Variants in ANKDD1A observed in about 807,000 individuals in gnomAD.
ANKDD1A encodes ankyrin repeat and death domain containing 1A.
A neutral mutation model predicts 63.5 loss-of-function variants in ANKDD1A; 59 were observed. The observed-to-expected ratio is 0.93, with a 90% CI of 0.75 to 1.15. ANKDD1A has a LOEUF of 1.15. Ranked by LOEUF, ANKDD1A falls within the 50% of genes most tolerant of loss-of-function variation. The pLI, the probability that ANKDD1A is intolerant of heterozygous loss-of-function variation, is 0.00. For synonymous variants in ANKDD1A, 266 were observed against 263.9 expected (o/e 1.01, Z -0.08); for missense variants, 632 against 656.4 (o/e 0.96, Z 0.41).
intron 6 of ANKDD1A, 48 bp from the exon 7 acceptor site, chr15:64,930,774 C>A: frequency 6.4e-7 from 1 of 1,568,158 alleles, no homozygotes; most frequent in South Asian, 1.2e-5. Context: ...GTCTGTGATT[C>A]TGGGACTCTC....
intron 9 of ANKDD1A, among the ~76,000 whole-genome samples, chr15:64,941,794 A>C (rs2085186495): frequency 6.6e-6 from 1 of 152,206 alleles, no homozygotes. Flanking sequence ...AGGGGGCCAC[A>C]GGAGACTATT....
chr15:64,948,310 G>T (rs1164988894), intron 13 of ANKDD1A, among the ~76,000 whole-genome samples: 1 of 152,128 alleles, frequency 6.6e-6, no homozygotes, highest in Non-Finnish European at 1.5e-5. Context: ...TGTATTTGTG[G>T]CAAGAAAAAG....
At chr15:64,924,811 G>T (rs900049813) in intron 4 of ANKDD1A, among the ~76,000 whole-genome samples, 2 of 152,096 alleles carry the variant, frequency 1.3e-5, no homozygotes, top group Non-Finnish European at 2.9e-5. Flanking sequence ...CCTTAATTTG[G>T]GTTTGTCTCA....
intron 9 of ANKDD1A, among the ~76,000 whole-genome samples, chr15:64,934,575 C>T (rs1276636592): frequency 6.7e-6 from 1 of 148,592 alleles, no homozygotes; most frequent in Non-Finnish European, 1.5e-5. Flanking sequence ...TCTCGGCTCA[C>T]TGCAGCCTCT....
intron 14 of ANKDD1A, among the ~76,000 whole-genome samples, chr15:64,955,669 G>A (rs187913715): frequency 1.7e-4 from 26 of 152,272 alleles, no homozygotes; most frequent in Non-Finnish European, 3.1e-4. Context: ...TGGCTGTGGC[G>A]TTTAGGAGCC....
At chr15:64,924,683 G>A (rs1047156772) in intron 4 of ANKDD1A, among the ~76,000 whole-genome samples, 13 of 152,180 alleles carry the variant, frequency 8.5e-5, no homozygotes, top group Admixed American at 8.5e-4. Context: ...ATTCTATAAT[G>A]CTTTAGTCAT....
intron 14 of ANKDD1A, among the ~76,000 whole-genome samples, chr15:64,952,023 CT>C (rs1347548712): frequency 6.8e-6 from 1 of 146,932 alleles, no homozygotes. Context: ...CTTCTATCTT[CT>C]TTTTCTTCTT....
chr15:64,939,387 G>A (rs770775924), intron 9 of ANKDD1A, among the ~76,000 whole-genome samples: 2 of 152,142 alleles, frequency 1.3e-5, no homozygotes, highest in African/African-American at 4.8e-5. Flanking sequence ...ACTTTGAGAA[G>A]TCGAGATGCG....
intron 6 of ANKDD1A, among the ~76,000 whole-genome samples, chr15:64,927,602 C>CTTT (rs5813333): frequency 1.0e-4 from 13 of 130,616 alleles, no homozygotes; most frequent in Admixed American, 1.5e-4. Flanking sequence ...AGCAAATTCC[C>CTTT]TTTTTTTTTT....
At chr15:64,953,070 CTTCT>C (rs749696376) in intron 14 of ANKDD1A, among the ~76,000 whole-genome samples, 10 of 132,988 alleles carry the variant, frequency 7.5e-5, no homozygotes, top group Middle Eastern at 4.8e-3. Context: ...TTCCTCTTTC[CTTCT>C]TTCTTCTTCT....
At chr15:64,919,248 C>A (rs1383917286) in intron 3 of ANKDD1A, among the ~76,000 whole-genome samples, 1 of 152,138 alleles carries the variant, frequency 6.6e-6, no homozygotes, top group East Asian at 1.9e-4. Context: ...CAGTCCTGAG[C>A]CTTCACCCTT....
intron 3 of ANKDD1A, among the ~76,000 whole-genome samples, chr15:64,919,388 C>G (rs144475813): frequency 1.2e-4 from 18 of 152,364 alleles, no homozygotes; most frequent in African/African-American, 4.3e-4. Flanking sequence ...AGTGCCAGGT[C>G]TCCTGGCCTC....
Position 64,917,491 on chromosome 15 carries a change from G to A in ANKDD1A, c.244G>A (p.Ala82Thr), listed in dbSNP as rs767047572. The A allele has an allele frequency of 6.3e-7, 1 of 1,588,212 alleles. No homozygotes were observed. Among genetic ancestry groups the A allele is most frequent in the Non-Finnish European group, 8.6e-7 (1 of 1,167,674 alleles). Residue 82 changes from alanine to threonine, a missense_variant, in exon 3 of 15, where the codon GCC becomes ACC. Coordinates refer to ENST00000319580, the MANE Select transcript of ANKDD1A (RefSeq NM_182703.6). The part of the protein sequence containing the change: ...AAVDEEDAVG[A>T]LTEARLCFGM... Reference sequence around the variant, plus strand: ...TGTGGACGAGGAGGATGCGGTAGGGGCCCTCACAGAGGCACGTCTGTGTGT... The same window carrying A: ...TGTGGACGAGGAGGATGCGGTAGGGACCCTCACAGAGGCACGTCTGTGTGT...
chr15:64,954,021 C>CTTCT (rs141482724), intron 14 of ANKDD1A, among the ~76,000 whole-genome samples: 62,293 of 118,478 alleles, frequency 0.53, 16,887 homozygotes, highest in East Asian at 0.66. Flanking sequence ...CTTCTTTCCT[C>CTTCT]TTCTTTTCTT....
At chr15:64,953,562 C>CT (rs2085347017) in intron 14 of ANKDD1A, among the ~76,000 whole-genome samples, 2 of 88,804 alleles carry the variant, frequency 2.3e-5, no homozygotes, top group African/African-American at 3.6e-5. Flanking sequence ...CTTCTTTCTT[C>CT]CTCCTTCTTC....
chr15:64,951,261 C>T (rs1021728922), intron 14 of ANKDD1A: 3 of 914,922 alleles, frequency 3.3e-6, no homozygotes, highest in Admixed American at 2.0e-4. Context: ...TCTTGGCACA[C>T]TTTGTTTATT....
chr15:64,949,633 T>C (rs8035594), intron 13 of ANKDD1A, among the ~76,000 whole-genome samples: 1 of 152,092 alleles, frequency 6.6e-6, no homozygotes, highest in African/African-American at 2.4e-5. Flanking sequence ...AACCCTTCCC[T>C]CCCCATCTGA....
chr15:64,922,061 T>C (rs1472604575), intron 4 of ANKDD1A, 42 bp downstream of exon 4: 29 of 1,583,594 alleles, frequency 1.8e-5, no homozygotes, highest in Non-Finnish European at 2.5e-5. Flanking sequence ...TCGGCTCCCC[T>C]GGCCTGGATG....
intron 8 of ANKDD1A, among the ~76,000 whole-genome samples, chr15:64,933,445 C>T (rs968225276): frequency 4.6e-5 from 7 of 152,214 alleles, no homozygotes; most frequent in African/African-American, 1.7e-4. Flanking sequence ...CATTCTAGCC[C>T]AGCCAGGATC....
Sources: gnomAD v4.1 joint callset for allele counts (sites outside exome capture counted in the v4.1 genomes callset) on GRCh38, gnomAD v4.1.1 for gene constraint, MANE v1.5 for transcripts, NCBI Gene and HGNC (gene_info 2026-07-23, HGNC 2026-07-21) for gene names.